Variants in SOX5 observed in about 807,000 individuals in gnomAD.
SOX5 encodes transcription factor SOX-5.
A neutral mutation model predicts 92.0 loss-of-function variants in SOX5; 9 were observed. The observed-to-expected ratio is 0.10, with a 90% CI of 0.06 to 0.17. The LOEUF is 0.17. SOX5 is among the 10% of genes least tolerant of loss of function. The pLI is 1.00. For synonymous variants in SOX5, 344 were observed against 336.3 expected (o/e 1.02, Z -0.25); for missense variants, 642 against 944.5 (o/e 0.68, Z 4.20).
At position 23,581,337 on chromosome 12, in the gene SOX5, C is replaced by T. The variant is rs143982963; in HGVS notation, c.1165-5499G>A. Among the ~76,000 whole-genome samples the T allele has an allele frequency of 2.7e-3, 404 of 152,156 alleles. 3 individuals are homozygous for T. Among genetic ancestry groups the T allele is most frequent in the Middle Eastern group, 0.024 (7 of 294 alleles). On this transcript the variant is annotated intron_variant, in intron 9 of 14. Transcript: ENST00000451604. ...AGACCACAAAATGCACTACCAAGGA[C>T]GTGCAAATGATTAAACCCTTCAGAA...
At chr12:24,174,057 G>T (rs1325677726) in intron 4 of SOX5, among the ~76,000 whole-genome samples, 1 of 151,954 alleles carries the variant, frequency 6.6e-6, no homozygotes, top group African/African-American at 2.4e-5. Flanking sequence ...GAGTACAGTG[G>T]TATAATCTCG....
intron 7 of SOX5, among the ~76,000 whole-genome samples, chr12:23,642,583 G>C (rs2080217281): frequency 6.6e-6 from 1 of 152,222 alleles, no homozygotes. Context: ...CTGAAGTACA[G>C]AGAGCATGTA....
At chr12:24,470,062 G>A (rs1365473304) in intron 1 of SOX5, among the ~76,000 whole-genome samples, 1 of 152,148 alleles carries the variant, frequency 6.6e-6, no homozygotes, top group Non-Finnish European at 1.5e-5. Context: ...AATATTACAA[G>A]CCATAGAAAG....
At chr12:23,951,096 A>G (rs1021657732), upstream of SOX5, 51 of 481,530 alleles carry the variant, frequency 1.1e-4, no homozygotes, top group South Asian at 5.0e-4. Context: ...GAAAGAGAGG[A>G]AAAAAAAGCC....
chr12:23,820,459 T>C (rs1441204464), intron 3 of SOX5, among the ~76,000 whole-genome samples: 3 of 152,258 alleles, frequency 2.0e-5, no homozygotes, highest in African/African-American at 4.8e-5. Context: ...TGGCTTGTGT[T>C]GCAATTGCTT....
At chr12:23,804,319 T>C (rs1036262740) in intron 3 of SOX5, among the ~76,000 whole-genome samples, 1 of 152,106 alleles carries the variant, frequency 6.6e-6, no homozygotes, top group African/African-American at 2.4e-5. Flanking sequence ...TAGAAAAAAA[T>C]CCATAGATCC....
intron 2 of SOX5, among the ~76,000 whole-genome samples, chr12:24,360,746 T>C (rs1044649405): frequency 3.3e-5 from 5 of 152,206 alleles, no homozygotes; most frequent in African/African-American, 1.2e-4. Flanking sequence ...TATGTATCCC[T>C]GGGTCGCAAG....
intron 4 of SOX5, among the ~76,000 whole-genome samples, chr12:24,006,618 G>A (rs1055088064): frequency 3.3e-5 from 5 of 152,014 alleles, no homozygotes; most frequent in South Asian, 2.1e-4. Context: ...ACTCCTTCCA[G>A]GATTGGGTAG....
intron 2 of SOX5, among the ~76,000 whole-genome samples, chr12:24,355,142 A>G (rs1954636006): frequency 6.6e-6 from 1 of 152,184 alleles, no homozygotes; most frequent in Non-Finnish European, 1.5e-5. Flanking sequence ...TGAAAATGTC[A>G]GAAATCAGCC....
intron 4 of SOX5, among the ~76,000 whole-genome samples, chr12:23,987,993 A>G (rs1440741624): frequency 1.3e-5 from 2 of 152,218 alleles, no homozygotes; most frequent in East Asian, 1.9e-4. Context: ...TCCAAGTGAG[A>G]GATGATAGTA....
chr12:23,666,113 T>A (rs970070354), intron 6 of SOX5, among the ~76,000 whole-genome samples: 1 of 150,356 alleles, frequency 6.7e-6, no homozygotes, highest in Non-Finnish European at 1.5e-5. Context: ...AAAACTTTAC[T>A]CTTTTTTTTT....
intron 2 of SOX5, among the ~76,000 whole-genome samples, chr12:24,308,233 T>A (rs1352619291): frequency 6.6e-6 from 1 of 152,128 alleles, no homozygotes; most frequent in Non-Finnish European, 1.5e-5. Flanking sequence ...TCCCAAGTGC[T>A]GGCAGGCCAC....
chr12:23,594,466 G>C (rs1952052878), intron 9 of SOX5, among the ~76,000 whole-genome samples: 1 of 152,040 alleles, frequency 6.6e-6, no homozygotes, highest in African/African-American at 2.4e-5. Flanking sequence ...TATGTCACTG[G>C]GGCTCAAATT....
intron 10 of SOX5, among the ~76,000 whole-genome samples, chr12:23,563,848 G>T (rs1946627430): frequency 6.6e-6 from 1 of 152,048 alleles, no homozygotes; most frequent in African/African-American, 2.4e-5. Flanking sequence ...TATTAGAAAG[G>T]CCACATAAGA....
chr12:24,291,653 A>ATT (rs1946636129), intron 2 of SOX5, among the ~76,000 whole-genome samples: 1 of 152,256 alleles, frequency 6.6e-6, no homozygotes, highest in South Asian at 2.1e-4. Context: ...ACACTTTCTA[A>ATT]GTTACTAATA....
intron 10 of SOX5, among the ~76,000 whole-genome samples, chr12:23,574,960 T>A (rs980150124): frequency 1.3e-5 from 2 of 152,186 alleles, no homozygotes; most frequent in African/African-American, 4.8e-5. Flanking sequence ...TGACTCTCCC[T>A]TAACTAAACC....
intron 4 of SOX5, among the ~76,000 whole-genome samples, chr12:24,064,598 T>C (rs1009469875): frequency 2.0e-5 from 3 of 152,212 alleles, no homozygotes; most frequent in Admixed American, 2.0e-4. Context: ...ATTGAATCCA[T>C]AATCAATTTA....
intron 4 of SOX5, among the ~76,000 whole-genome samples, chr12:23,989,218 C>CAAAA (rs554892984): frequency 6.7e-4 from 70 of 104,332 alleles, no homozygotes; most frequent in Non-Finnish European, 9.0e-4. Context: ...GCCAAAAATA[C>CAAAA]AAAAAAAAAA....
intron 1 of SOX5, among the ~76,000 whole-genome samples, chr12:23,926,343 G>A (rs890128233): frequency 1.3e-5 from 2 of 152,006 alleles, no homozygotes; most frequent in African/African-American, 4.8e-5. Context: ...TGTAATATAT[G>A]TAGTAGGAAG....
Sources: allele counts gnomAD v4.1 joint callset (sites outside exome capture counted in the v4.1 genomes callset), GRCh38; gene constraint gnomAD v4.1.1; transcripts MANE v1.5; gene names NCBI Gene and HGNC (gene_info 2026-07-23, HGNC 2026-07-21).